The following TEK variants were observed in gnomAD, a reference collection of about 807,000 sequenced individuals.
The protein encoded by TEK is angiopoietin-1 receptor.
Under a neutral mutation model 131.8 loss-of-function variants are expected in TEK, and 43 were observed. The ratio of observed to expected loss-of-function variants is 0.33; its 90% CI spans 0.26 to 0.42. The LOEUF is 0.42. Among genes scored for constraint, TEK ranks in the 10% least tolerant of loss-of-function variants. TEK has a pLI of 1.00. For synonymous variants in TEK, 580 were observed against 491.6 expected (o/e 1.18, Z -2.38); for missense variants, 1,162 against 1,384.4 (o/e 0.84, Z 2.55).
intron 11 of TEK, chr9:27,195,652 C>T (rs1824978824): frequency 2.2e-6 from 1 of 455,854 alleles, no homozygotes; most frequent in Non-Finnish European, 4.4e-6. Context: ...ACTGAAAACA[C>T]ACTATTTCCT....
chr9:27,229,561 G>T lies in TEK; in HGVS notation c.*329G>T. On this transcript the variant is annotated 3_prime_UTR_variant, in exon 23 of 23. Coordinates refer to ENST00000380036, the MANE Select transcript of TEK (RefSeq NM_000459.5). ...TAATGCATAACTCATTGTTGTCCTA[G>T]ATATTTTGATATTTACCTTTATGTT... The T allele has an allele frequency of 6.2e-6, 2 of 324,186 alleles. No individual in the cohort carries two copies. Among genetic ancestry groups the T allele is most frequent in the Non-Finnish European group, 1.2e-5 (2 of 171,430 alleles). The allele number at this position is 324,186 out of a possible 1,614,324, so 20.1% of individuals were successfully genotyped here. A position where few individuals can be genotyped will look rare whatever the true frequency, so the allele number is the denominator to read the frequency against.
At chr9:27,140,240 A>C (rs894748200) in intron 1 of TEK, among the ~76,000 whole-genome samples, 1 of 151,964 alleles carries the variant, frequency 6.6e-6, no homozygotes, top group Non-Finnish European at 1.5e-5. Context: ...CATATGCCCC[A>C]CACTGAGCTT....
intron 1 of TEK, among the ~76,000 whole-genome samples, chr9:27,126,944 T>C (rs1038868647): frequency 6.6e-6 from 1 of 152,168 alleles, no homozygotes; most frequent in Admixed American, 6.5e-5. Context: ...ATAAAACAGA[T>C]GCAACTCCGT....
At chr9:27,111,269 C>T (rs1207905708) in intron 1 of TEK, among the ~76,000 whole-genome samples, 2 of 152,082 alleles carry the variant, frequency 1.3e-5, no homozygotes, top group East Asian at 1.9e-4. Flanking sequence ...GGAAGGGTGA[C>T]ACTAGCAAGG....
At chr9:27,131,590 G>A (rs1446125739) in intron 1 of TEK, among the ~76,000 whole-genome samples, 3 of 150,646 alleles carry the variant, frequency 2.0e-5, no homozygotes, top group African/African-American at 7.3e-5. Context: ...TGGGAGGATC[G>A]TTTGAGCCTA....
At position 27,161,737 on chromosome 9, in the gene TEK, G is replaced by A. The variant is rs77073059; in HGVS notation, c.364+3595G>A. On this transcript the variant is annotated intron_variant, in intron 2 of 22. Coordinates refer to ENST00000380036, the MANE Select transcript of TEK (RefSeq NM_000459.5). ...GGAAGTCAGACAGATATGGGTTCGA[G>A]TCTACCTCTGCAACTGAGTGGTGTG... 6.9e-3 allele frequency among the ~76,000 whole-genome samples: 1,046 copies of A among 152,314 alleles called. 4 individuals are homozygous for A. Among genetic ancestry groups the A allele is most frequent in the Middle Eastern group, 0.02 (6 of 294 alleles).
chr9:27,180,512 C>T (rs1824327534), intron 7 of TEK, 144 bp downstream of exon 7: 2 of 1,226,000 alleles, frequency 1.6e-6, no homozygotes, highest in East Asian at 5.2e-5. Context: ...ATCCTAAATC[C>T]TAAAGCACAG....
chr9:27,183,377 A>G lies in TEK; in HGVS notation c.1031-82A>G, dbSNP rs75640076. 156 of 1,483,914 alleles carry G rather than the reference A, an allele frequency of 1.1e-4. No individual in the cohort carries two copies. In the African/African-American group the frequency reaches 2.0e-3, roughly 19 times the overall value. 91.9% of individuals were successfully genotyped at this position (1,483,914 alleles called of 1,614,324 possible). A position where few individuals can be genotyped will look rare whatever the true frequency, so the allele number is the denominator to read the frequency against. On this transcript the variant is annotated intron_variant, in intron 7 of 22. Coordinates refer to ENST00000380036, the MANE Select transcript of TEK (RefSeq NM_000459.5). ...AAAGTTCTTGCCCGGTGCATGACTT[A>G]CTAAAGTAGCTATTTTTATTATTAC...
At position 27,224,090 on chromosome 9, in the gene TEK, TA is replaced by T. The variant is rs1347254694; in HGVS notation, c.3200+3947del. 3.3e-5 allele frequency among the ~76,000 whole-genome samples: 5 copies of T among 152,318 alleles called. No homozygotes were observed. The East Asian group carries it at 7.7e-4, about 23-fold the overall frequency. ...AAGTCGAATCCCAGTCGAAGACCAGTAACAAGTTCTGAAATTGAGGCAGAAT... is the reference window on the plus strand; with the variant it reads ...AAGTCGAATCCCAGTCGAAGACCAGTACAAGTTCTGAAATTGAGGCAGAAT... On this transcript the variant is annotated intron_variant, in intron 21 of 22. Transcript: ENST00000380036.
Position 27,185,372 on chromosome 9 carries a change from C to T in TEK, c.1183-113C>T, listed in dbSNP as rs539741120. ...ATTATATTAGCATTACATTTAGCTTCTTGATCTCTCCTAGGAAACTTCTTA... is the reference window on the plus strand; with the variant it reads ...ATTATATTAGCATTACATTTAGCTTTTTGATCTCTCCTAGGAAACTTCTTA... On this transcript the variant is annotated intron_variant, in intron 8 of 22. Coordinates refer to ENST00000380036, the MANE Select transcript of TEK (RefSeq NM_000459.5). 159 of 1,319,486 alleles carry T rather than the reference C, an allele frequency of 1.2e-4. 1 individual carries two copies. The East Asian group carries it at 2.9e-3, about 24-fold the overall frequency. The allele number at this position is 1,319,486 out of a possible 1,614,324, so 81.7% of individuals were successfully genotyped here.
intron 15 of TEK, among the ~76,000 whole-genome samples, chr9:27,208,529 G>A (rs150636454): frequency 1.2e-3 from 190 of 152,282 alleles, no homozygotes; most frequent in African/African-American, 4.3e-3. Context: ...TGATTCCCAT[G>A]CAACTTCCAT....
chr9:27,223,869 C>G (rs1237351156), intron 21 of TEK, among the ~76,000 whole-genome samples: 6 of 151,646 alleles, frequency 4.0e-5, no homozygotes, highest in Non-Finnish European at 8.8e-5. Context: ...GACTGCTAGC[C>G]AGACTAATGA....
chr9:27,134,918 G>A (rs1415807895), intron 1 of TEK, among the ~76,000 whole-genome samples: 6 of 152,080 alleles, frequency 3.9e-5, no homozygotes. Flanking sequence ...TGCTTCTCTG[G>A]GCTGTTACTA....
intron 21 of TEK, among the ~76,000 whole-genome samples, chr9:27,226,032 T>G (rs1299549475): frequency 5.9e-5 from 9 of 152,198 alleles, no homozygotes. Flanking sequence ...CACAATGAGA[T>G]GCCATTTCAC....
At chr9:27,177,191 C>T (rs577004167) in intron 6 of TEK, among the ~76,000 whole-genome samples, 2 of 152,312 alleles carry the variant, frequency 1.3e-5, no homozygotes, top group South Asian at 2.1e-4. Flanking sequence ...GATTTCATTT[C>T]TCTTGGATAT....
chr9:27,170,116 A>T (rs1823894662), intron 4 of TEK, among the ~76,000 whole-genome samples: 1 of 152,068 alleles, frequency 6.6e-6, no homozygotes. Context: ...AGTGAAGGAG[A>T]GGGGGAAGCA....
intron 18 of TEK, among the ~76,000 whole-genome samples, chr9:27,215,280 C>G (rs756147296): frequency 2.6e-5 from 4 of 151,314 alleles, no homozygotes; most frequent in South Asian, 4.2e-4. Context: ...TAAAGGTGTT[C>G]TTTAGCACCT....
At chr9:27,200,005 A>C (rs1587004483) in intron 12 of TEK, among the ~76,000 whole-genome samples, 1 of 152,286 alleles carries the variant, frequency 6.6e-6, no homozygotes, top group South Asian at 2.1e-4. Context: ...TTAGGTCTTT[A>C]AGATATAAAA....
intron 21 of TEK, among the ~76,000 whole-genome samples, chr9:27,220,434 C>G (rs1826015087): frequency 6.6e-6 from 1 of 152,140 alleles, no homozygotes; most frequent in African/African-American, 2.4e-5. Flanking sequence ...ATTCTTTAAA[C>G]ATACAACACT....
Sources: allele counts gnomAD v4.1 joint callset (sites outside exome capture counted in the v4.1 genomes callset), GRCh38; gene constraint gnomAD v4.1.1; transcripts MANE v1.5; gene names NCBI Gene and HGNC (gene_info 2026-07-23, HGNC 2026-07-21).